The following CRTAC1 variants were observed in gnomAD, a reference collection of about 807,000 sequenced individuals.
The protein encoded by CRTAC1 is acidic secreted protein in cartilage.
A neutral mutation model predicts 67.8 loss-of-function variants in CRTAC1; 37 were observed. That is an observed-to-expected ratio of 0.55 (90% CI 0.42 to 0.72). The LOEUF is 0.72. CRTAC1 is among the 30% of genes least tolerant of loss of function. The probability of loss-of-function intolerance (pLI) is 0.00; values close to 1 mark genes in which losing one functional copy is unlikely to be tolerated. For missense variants in CRTAC1, 780 were observed against 931.6 expected (o/e 0.84, Z 2.12); for synonymous variants, 348 against 371.0 (o/e 0.94, Z 0.71).
At chr10:97,947,976 G>A (rs1049605646) in intron 2 of CRTAC1, among the ~76,000 whole-genome samples, 3 of 152,092 alleles carry the variant, frequency 2.0e-5, no homozygotes, top group Non-Finnish European at 2.9e-5. Flanking sequence ...TCCGTGCAGG[G>A]TATACTGTTA....
chr10:97,981,689 T>A (rs2051894273), intron 2 of CRTAC1, among the ~76,000 whole-genome samples: 1 of 152,236 alleles, frequency 6.6e-6, no homozygotes, highest in South Asian at 2.1e-4. Flanking sequence ...GCTGTGCATT[T>A]TTTAGGCTCT....
At chr10:98,006,114 C>T (rs957043668) in intron 2 of CRTAC1, among the ~76,000 whole-genome samples, 3 of 152,222 alleles carry the variant, frequency 2.0e-5, no homozygotes, top group Non-Finnish European at 4.4e-5. Context: ...GGTGTTACCT[C>T]AGACCTCTGG....
At chr10:98,005,159 C>T (rs1842766508) in intron 2 of CRTAC1, among the ~76,000 whole-genome samples, 1 of 121,152 alleles carries the variant, frequency 8.3e-6, no homozygotes, top group East Asian at 2.5e-4. Context: ...GGCTGAGGTG[C>T]AATGGCATGA....
At chr10:97,928,894 G>A (rs951704237) in intron 3 of CRTAC1, among the ~76,000 whole-genome samples, 4 of 152,170 alleles carry the variant, frequency 2.6e-5, no homozygotes, top group African/African-American at 7.2e-5. Flanking sequence ...GGGGCCATTG[G>A]TGGCTTCTGA....
At position 97,888,997 on chromosome 10, in the gene CRTAC1, C is replaced by T. The variant is rs138171101; in HGVS notation, c.1487-4646G>A. ...TTTTTATGTGGGCCACTGAATTTCCCTTCCCTAAATGAGCATCAGCCGGCT... is the reference window on the plus strand; with the variant it reads ...TTTTTATGTGGGCCACTGAATTTCCTTTCCCTAAATGAGCATCAGCCGGCT... On this transcript the variant is annotated intron_variant, in intron 11 of 14. Coordinates refer to ENST00000370597, the MANE Select transcript of CRTAC1 (RefSeq NM_018058.7). 2.7e-4 allele frequency among the ~76,000 whole-genome samples: 41 copies of T among 152,174 alleles called. No homozygotes were observed. The East Asian group carries it at 7.5e-3, about 28-fold the overall frequency.
At chr10:97,879,996 T>C (rs922474230) in intron 14 of CRTAC1, among the ~76,000 whole-genome samples, 3 of 152,232 alleles carry the variant, frequency 2.0e-5, no homozygotes, top group East Asian at 3.9e-4. Context: ...ACAGTTGTTT[T>C]AGGAAAAGTA....
chr10:97,991,862 C>T (rs550398351), intron 2 of CRTAC1, among the ~76,000 whole-genome samples: 3 of 152,290 alleles, frequency 2.0e-5, no homozygotes, highest in Admixed American at 6.5e-5. Flanking sequence ...TAGATATACC[C>T]TTGGAAACTT....
At chr10:98,027,161 C>T (rs1250621458) in intron 1 of CRTAC1, among the ~76,000 whole-genome samples, 12 of 147,560 alleles carry the variant, frequency 8.1e-5, no homozygotes, top group Admixed American at 4.0e-4. Context: ...AGCGAGACTC[C>T]GTCTCAAAAA....
intron 14 of CRTAC1, chr10:97,868,656 C>A (rs932124586): frequency 6.6e-6 from 1 of 152,228 alleles, no homozygotes; most frequent in Non-Finnish European, 1.5e-5. Context: ...TGAGCGTGTT[C>A]TCTAATATGA....
intron 1 of CRTAC1, among the ~76,000 whole-genome samples, chr10:98,013,463 A>G (rs1291226936): frequency 1.3e-5 from 2 of 152,232 alleles, no homozygotes; most frequent in Non-Finnish European, 1.5e-5. Context: ...TAAAGAAGAC[A>G]TACGAAAGAA....
At chr10:97,909,024 T>C (rs545845334) in intron 5 of CRTAC1, among the ~76,000 whole-genome samples, 1 of 152,324 alleles carries the variant, frequency 6.6e-6, no homozygotes, top group South Asian at 2.1e-4. Flanking sequence ...TTTGTAGTGT[T>C]TGACTTGTTG....
At chr10:97,869,370 G>A (rs1462719991) in intron 14 of CRTAC1, 1 of 152,420 alleles carries the variant, frequency 6.6e-6, no homozygotes, top group East Asian at 1.9e-4. Flanking sequence ...GTCTCTCCGG[G>A]GTCTGGCTGT....
intron 2 of CRTAC1, among the ~76,000 whole-genome samples, chr10:97,974,573 CGCT>C (rs2051767983): frequency 6.6e-6 from 1 of 152,206 alleles, no homozygotes; most frequent in African/African-American, 2.4e-5. Context: ...AAGGAGAAGT[CGCT>C]TTGGTGGAAA....
At chr10:97,998,117 C>T (rs981920440) in intron 2 of CRTAC1, among the ~76,000 whole-genome samples, 3 of 152,152 alleles carry the variant, frequency 2.0e-5, no homozygotes, top group Non-Finnish European at 4.4e-5. Flanking sequence ...ACTACAGGTG[C>T]ACACCACTAT....
intron 14 of CRTAC1, among the ~76,000 whole-genome samples, chr10:97,879,065 C>T (rs2050179037): frequency 1.3e-5 from 2 of 152,162 alleles, no homozygotes; most frequent in Non-Finnish European, 2.9e-5. Context: ...GTTCTACTTG[C>T]CCCAGACCCT....
chr10:97,990,732 C>G (rs1322587136), intron 2 of CRTAC1, among the ~76,000 whole-genome samples: 1 of 152,204 alleles, frequency 6.6e-6, no homozygotes, highest in East Asian at 1.9e-4. Context: ...CAGGGCTCAG[C>G]AAGGTGCCTT....
At chr10:97,904,225 C>T (rs1000075711) in intron 7 of CRTAC1, among the ~76,000 whole-genome samples, 2 of 152,040 alleles carry the variant, frequency 1.3e-5, no homozygotes, top group African/African-American at 4.8e-5. Flanking sequence ...AGAGCTCCTA[C>T]AGCAGCCCAG....
chr10:98,007,916 A>G (rs765438677), intron 2 of CRTAC1, among the ~76,000 whole-genome samples: 1 of 152,246 alleles, frequency 6.6e-6, no homozygotes, highest in African/African-American at 2.4e-5. Flanking sequence ...ATGAATGCCC[A>G]GCACTTGGAA....
At chr10:97,917,940 C>G (rs145582428) in intron 4 of CRTAC1, among the ~76,000 whole-genome samples, 1,612 of 152,318 alleles carry the variant, frequency 0.011, 25 homozygotes, top group African/African-American at 0.036. Flanking sequence ...CCCACAACCA[C>G]CTTTTTATAG....
Sources: allele counts gnomAD v4.1 joint callset (sites outside exome capture counted in the v4.1 genomes callset), GRCh38; gene constraint gnomAD v4.1.1; transcripts MANE v1.5; gene names NCBI Gene and HGNC (gene_info 2026-07-23, HGNC 2026-07-21).